Variants in ADCY5 observed in about 807,000 individuals in gnomAD.
ADCY5 encodes adenylate cyclase type 5.
A neutral mutation model predicts 119.7 loss-of-function variants in ADCY5; 30 were observed. The ratio of observed to expected loss-of-function variants is 0.25; its 90% CI spans 0.19 to 0.34. ADCY5 has a LOEUF of 0.34. Ranked by LOEUF, ADCY5 falls within the 10% of genes least tolerant of loss-of-function variation. The probability of loss-of-function intolerance (pLI) is 1.00; values close to 1 mark genes in which losing one functional copy is unlikely to be tolerated. For synonymous variants in ADCY5, 753 were observed against 762.2 expected, an observed-to-expected ratio of 0.99 and a Z score of 0.20; for missense variants, 1,324 against 1,775.2, an observed-to-expected ratio of 0.75 and a Z score of 4.57.
At chr3:123,316,391 G>T (rs1480542956) in intron 11 of ADCY5, among the ~76,000 whole-genome samples, 1 of 152,182 alleles carries the variant, frequency 6.6e-6, no homozygotes, top group African/African-American at 2.4e-5. Flanking sequence ...ACACAAACTG[G>T]ATAGTGAGGG....
At chr3:123,348,036 A>AGTGGGTGTGTGTGTGTGTGTGTGTGT in intron 2 of ADCY5, 133 bp from the exon 3 acceptor site, 1 of 463,842 alleles carries the variant, frequency 2.2e-6, no homozygotes, top group Non-Finnish European at 3.9e-6. Flanking sequence ...CTGGGTTAAC[A>AGTGGGTGTGTGTGTGTGTGTGTGTGT]GTGTGTGTGT....
chr3:123,366,760 T>C (rs894683961), intron 1 of ADCY5, among the ~76,000 whole-genome samples: 2 of 152,168 alleles, frequency 1.3e-5, no homozygotes, highest in African/African-American at 4.8e-5. Context: ...GTGTGAGTTC[T>C]CAGCCTGGAT....
chr3:123,434,059 G>A (rs58386327), intron 1 of ADCY5, among the ~76,000 whole-genome samples: 25,502 of 152,196 alleles, frequency 0.17, 2,498 homozygotes, highest in Admixed American at 0.24. Flanking sequence ...CATGCATTCC[G>A]AAACCAAACT....
intron 1 of ADCY5, among the ~76,000 whole-genome samples, chr3:123,372,446 G>C (rs905019781): frequency 6.6e-6 from 1 of 152,192 alleles, no homozygotes; most frequent in African/African-American, 2.4e-5. Context: ...AAGGAGATAG[G>C]AGAGTGTCCC....
intron 1 of ADCY5, among the ~76,000 whole-genome samples, chr3:123,414,893 T>C (rs1945149356): frequency 6.6e-6 from 1 of 152,124 alleles, no homozygotes; most frequent in South Asian, 2.1e-4. Context: ...CTCTGGAGGA[T>C]CGACAGATGA....
At chr3:123,341,913 G>A (rs1224755182) in intron 3 of ADCY5, among the ~76,000 whole-genome samples, 1 of 152,086 alleles carries the variant, frequency 6.6e-6, no homozygotes, top group African/African-American at 2.4e-5. Flanking sequence ...TGGTACGGGA[G>A]TAGAGTTCAG....
At chr3:123,404,913 G>A (rs1218601260) in intron 1 of ADCY5, among the ~76,000 whole-genome samples, 1 of 152,168 alleles carries the variant, frequency 6.6e-6, no homozygotes, top group African/African-American at 2.4e-5. Flanking sequence ...ATCTTCAACT[G>A]GCTCTGAAAA....
intron 9 of ADCY5, 141 bp from the exon 10 acceptor site, chr3:123,319,959 G>A (rs1023681407): frequency 8.5e-7 from 1 of 1,182,314 alleles, no homozygotes; most frequent in Non-Finnish European, 1.2e-6. Flanking sequence ...AGCGGGAGCT[G>A]AGACTGAGAC....
intron 7 of ADCY5, among the ~76,000 whole-genome samples, chr3:123,327,203 C>G (rs1399732437): frequency 1.3e-5 from 2 of 152,054 alleles, no homozygotes; most frequent in Non-Finnish European, 2.9e-5. Flanking sequence ...GTTCAAGAAA[C>G]AAAGACATAG....
chr3:123,323,692 C>T (rs1305480022), intron 8 of ADCY5, among the ~76,000 whole-genome samples: 1 of 151,996 alleles, frequency 6.6e-6, no homozygotes, highest in Non-Finnish European at 1.5e-5. Flanking sequence ...TACGGTCTCG[C>T]TCTGTCCCCC....
In ADCY5 at chr3:123,448,545, T is replaced by TC. The variant is rs905351643; in HGVS notation, c.-1dup. On this transcript the variant is annotated 5_prime_UTR_variant, in exon 1 of 21. Transcript: ENST00000462833. ...GGGCTCACGCTTTTGGAGCCGGACA[T>TC]CCCCCCCTCGGCCTCGTCGTCTCCT... 5 of 1,248,894 alleles carry TC rather than the reference T, an allele frequency of 4.0e-6. No homozygotes were observed. The highest frequency in any genetic ancestry group is 6.6e-5 in the South Asian group (2 of 30,234). 77.4% of individuals were successfully genotyped at this position (1,248,894 alleles called of 1,614,324 possible).
chr3:123,429,971 G>A (rs530315002), intron 1 of ADCY5, among the ~76,000 whole-genome samples: 1 of 152,186 alleles, frequency 6.6e-6, no homozygotes, highest in South Asian at 2.1e-4. Flanking sequence ...GCCTGGGAAG[G>A]GAGTGAATGC....
At chr3:123,376,643 A>G (rs1404283556) in intron 1 of ADCY5, among the ~76,000 whole-genome samples, 1 of 152,104 alleles carries the variant, frequency 6.6e-6, no homozygotes, top group Non-Finnish European at 1.5e-5. Flanking sequence ...GCCCAAAATA[A>G]ATAACAATGA....
At chr3:123,398,834 C>G (rs1357204741) in intron 1 of ADCY5, among the ~76,000 whole-genome samples, 1 of 152,164 alleles carries the variant, frequency 6.6e-6, no homozygotes, top group Non-Finnish European at 1.5e-5. Context: ...ACTATTTGTA[C>G]CTACCATGGT....
At chr3:123,361,313 G>A (rs1943239022) in intron 1 of ADCY5, among the ~76,000 whole-genome samples, 1 of 152,178 alleles carries the variant, frequency 6.6e-6, no homozygotes, top group African/African-American at 2.4e-5. Context: ...GCTTCCCTTC[G>A]TTATTTTTTA....
intron 7 of ADCY5, among the ~76,000 whole-genome samples, chr3:123,326,208 T>C (rs9826728): frequency 0.47 from 71,477 of 152,066 alleles, 18,465 homozygotes; most frequent in Non-Finnish European, 0.6. Context: ...GTCAGTGAAG[T>C]TATGAGATTC....
chr3:123,433,644 G>A (rs1468538289), intron 1 of ADCY5, among the ~76,000 whole-genome samples: 11 of 152,048 alleles, frequency 7.2e-5, no homozygotes, highest in Admixed American at 5.2e-4. Context: ...CCCTAGAAAC[G>A]CTCTAGTAAG....
intron 1 of ADCY5, among the ~76,000 whole-genome samples, chr3:123,390,242 G>A (rs1944364523): frequency 6.6e-6 from 1 of 152,354 alleles, no homozygotes; most frequent in South Asian, 2.1e-4. Flanking sequence ...GGGAAGAAGA[G>A]GGAGCTGGTC....
intron 15 of ADCY5, among the ~76,000 whole-genome samples, chr3:123,298,410 AGAG>A (rs1939645310): frequency 1.3e-5 from 2 of 152,160 alleles, no homozygotes; most frequent in South Asian, 4.1e-4. Flanking sequence ...AGGAGCAGTA[AGAG>A]GAGGGCAACA....
Sources: gnomAD v4.1 joint callset for allele counts (sites outside exome capture counted in the v4.1 genomes callset) on GRCh38, gnomAD v4.1.1 for gene constraint, MANE v1.5 for transcripts, NCBI Gene and HGNC (gene_info 2026-07-23, HGNC 2026-07-21) for gene names.